GOLGA2: variants seen among roughly 807,000 people sequenced by gnomAD.
GOLGA2 encodes the protein golgin subfamily A member 2.
A neutral mutation model predicts 148.8 loss-of-function variants in GOLGA2; 49 were observed. The observed-to-expected ratio is 0.33, with a 90% CI of 0.26 to 0.42. The LOEUF is 0.42. Ranked by LOEUF, GOLGA2 falls within the 10% of genes least tolerant of loss-of-function variation. The pLI, the probability that GOLGA2 is intolerant of heterozygous loss-of-function variation, is 1.00. For missense variants in GOLGA2, 1,178 were observed against 1,304.6 expected, an observed-to-expected ratio of 0.90 and a Z score of 1.49; for synonymous variants, 501 against 511.8, an observed-to-expected ratio of 0.98 and a Z score of 0.28.
At position 128,267,983 on chromosome 9, in the gene GOLGA2, G is replaced by C. The variant is rs1830698796; in HGVS notation, c.452C>G (p.Thr151Ser). 3 of 1,613,848 alleles carry C rather than the reference G, an allele frequency of 1.9e-6. No homozygotes were observed. In the African/African-American group the frequency reaches 4.0e-5, roughly 22 times the overall value. Residue 151 changes from threonine to serine, a missense_variant, in exon 6 of 27, where the codon ACC (threonine) becomes AGC (serine). Physicochemically the swap from Thr to Ser is moderately conservative, Grantham distance 58. Coordinates refer to ENST00000611957, the MANE Select transcript of GOLGA2 (RefSeq NM_001366244.2). ...LMDETKTFSS[T>S]ESLRQLSQQL... ...TTGGGAGAGTTGTCGCAGGCTCTCG[G>C]TTGATGAGAAAGTCCTAGGGATGGA...
chr9:128,260,854 C>A lies in GOLGA2; in HGVS notation c.1421-52G>T, dbSNP rs1346929296. ...CCTCTGGATTCTCAAAAAAACCCTC[C>A]TCTTGGTCCATACCTCCTCTCAAGC... On this transcript the variant is annotated intron_variant, in intron 17 of 26. Coordinates refer to ENST00000611957, the MANE Select transcript of GOLGA2 (RefSeq NM_001366244.2). This position sits in a 1 kb window ranked among gnomAD's most constrained non-coding sequence, Gnocchi z 4.8. 1.5e-6 allele frequency: 2 copies of A among 1,298,432 alleles called. No individual in the cohort carries two copies. Among genetic ancestry groups the A allele is most frequent in the East Asian group, 2.4e-5 (1 of 42,340 alleles). 80.4% of individuals were successfully genotyped at this position (1,298,432 alleles called of 1,614,324 possible).
At chr9:128,273,815 C>T in intron 2 of GOLGA2, 35 bp downstream of exon 2, 2 of 1,610,660 alleles carry the variant, frequency 1.2e-6, no homozygotes, top group Non-Finnish European at 1.7e-6. Context: ...CCCTTGGGCC[C>T]CCTGTCCCCA....
At position 128,261,131 on chromosome 9, in the gene GOLGA2, G is replaced by T; in HGVS notation, c.1420+41C>A. On this transcript the variant is annotated intron_variant, in intron 17 of 26. Transcript: ENST00000611957. The surrounding 1 kb of genome is among the most constrained non-coding windows in gnomAD (Gnocchi z 5.7). Reference sequence around the variant, plus strand: ...TTCTAAACCACCCCCACAACCCTCTGACACCATTCCTGCTCCCAGGTCACC... The same window carrying T: ...TTCTAAACCACCCCCACAACCCTCTTACACCATTCCTGCTCCCAGGTCACC... 7.3e-7 allele frequency: 1 copy of T among 1,367,610 alleles called. No homozygotes were observed. Among genetic ancestry groups the T allele is most frequent in the Non-Finnish European group, 1.0e-6 (1 of 955,714 alleles). 84.7% of individuals were successfully genotyped at this position (1,367,610 alleles called of 1,614,324 possible). A position where few individuals can be genotyped will look rare whatever the true frequency, so the allele number is the denominator to read the frequency against.
rs1456003486 is a variant in GOLGA2 at position 128,257,850 on chromosome 9, CCTT to C, written c.2548_2550del (p.Lys850del). ...CGATGTTCCAGTTCCTCTACCCTCT[CCTT>C]CAGGTCTGCCTTCTCCTGCATGAGC... is the stretch of plus-strand genomic sequence containing the variant. On this transcript the variant is annotated inframe_deletion, in exon 24 of 27. Coordinates refer to ENST00000611957, the MANE Select transcript of GOLGA2 (RefSeq NM_001366244.2). This position sits in a 1 kb window ranked among gnomAD's most constrained non-coding sequence, Gnocchi z 8.0. 6.2e-7 allele frequency: 1 copy of C among 1,614,198 alleles called. No homozygotes were observed. Among genetic ancestry groups the C allele is most frequent in the South Asian group, 1.1e-5 (1 of 91,088 alleles).
chr9:128,264,959 A>G (rs1184579488), intron 12 of GOLGA2, among the ~76,000 whole-genome samples: 1 of 152,156 alleles, frequency 6.6e-6, no homozygotes, highest in African/African-American at 2.4e-5. Flanking sequence ...GCCTAAGATC[A>G]CTTAGACAGA....
At chr9:128,263,910 A>G (rs1158786559) in intron 12 of GOLGA2, among the ~76,000 whole-genome samples, 1 of 148,626 alleles carries the variant, frequency 6.7e-6, no homozygotes, top group African/African-American at 2.5e-5. Context: ...TAATCCTGGC[A>G]CTTTGGGAGG....
chr9:128,275,873 C>A lies in GOLGA2; in HGVS notation c.84+20G>T. The A allele has an allele frequency of 7.0e-7, 1 of 1,425,966 alleles. No homozygotes were observed. Among genetic ancestry groups the A allele is most frequent in the Non-Finnish European group, 9.7e-7 (1 of 1,035,824 alleles). 88.3% of individuals were successfully genotyped at this position (1,425,966 alleles called of 1,614,324 possible). A position where few individuals can be genotyped will look rare whatever the true frequency, so the allele number is the denominator to read the frequency against. On this transcript the variant is annotated intron_variant, in intron 1 of 26. Coordinates refer to ENST00000611957, the MANE Select transcript of GOLGA2 (RefSeq NM_001366244.2). The stretch of plus-strand genomic sequence containing the variant: ...TGGGGCTGGGGCTGGGTCGGGGGGC[C>A]GCGACCCGGTGCACTTTACCTTTTT...
chr9:128,259,127 G>A, intron 20 of GOLGA2, 40 bp downstream of exon 20: 1 of 1,600,614 alleles, frequency 6.2e-7, no homozygotes, highest in Non-Finnish European at 8.6e-7. Flanking sequence ...AGGTTGCCAG[G>A]TTGTCCCCCT....
At chr9:128,272,427 T>G (rs1831012155) in intron 3 of GOLGA2, among the ~76,000 whole-genome samples, 1 of 151,240 alleles carries the variant, frequency 6.6e-6, no homozygotes, top group Non-Finnish European at 1.5e-5. Context: ...GAGGTTGCAG[T>G]GAGCCAAGAT....
At chr9:128,259,843 GA>G (rs780805728) in intron 19 of GOLGA2, among the ~76,000 whole-genome samples, 11 of 152,228 alleles carry the variant, frequency 7.2e-5, no homozygotes, top group Admixed American at 1.3e-4. Flanking sequence ...CTTCCCCTGT[GA>G]TTGGGAGAAA....
chr9:128,266,794 T>G lies in GOLGA2; in HGVS notation c.642+400A>C. 2.8e-6 allele frequency: 1 copy of G among 357,448 alleles called. No individual in the cohort carries two copies. The highest frequency in any genetic ancestry group is 6.6e-5 in the East Asian group (1 of 15,144). The allele number at this position is 357,448 out of a possible 1,614,324, so 22.1% of individuals were successfully genotyped here. A position where few individuals can be genotyped will look rare whatever the true frequency, so the allele number is the denominator to read the frequency against. ...ACTCTCAGAGCTAAGAGACCTTTGA[T>G]ACTCTCTAACTCTACCTCCTCAGGA... On this transcript the variant is annotated intron_variant, in intron 8 of 26. Coordinates refer to ENST00000611957, the MANE Select transcript of GOLGA2 (RefSeq NM_001366244.2). The surrounding 1 kb of genome is among the most constrained non-coding windows in gnomAD (Gnocchi z 4.2).
intron 12 of GOLGA2, among the ~76,000 whole-genome samples, chr9:128,264,218 T>C (rs1283578314): frequency 1.3e-5 from 2 of 150,612 alleles, no homozygotes; most frequent in African/African-American, 4.9e-5. Context: ...AGCGAATTTA[T>C]GTATGTACGT....
At chr9:128,275,370 G>A (rs1232464608) in intron 1 of GOLGA2, 1 of 1,278,758 alleles carries the variant, frequency 7.8e-7, no homozygotes, top group African/African-American at 1.6e-5. Context: ...CCACTCCTAG[G>A]GGGAACATCA....
At chr9:128,275,300 CA>C in intron 1 of GOLGA2, 1 of 810,658 alleles carries the variant, frequency 1.2e-6, no homozygotes, top group Non-Finnish European at 1.8e-6. Flanking sequence ...GTCCTAAGAT[CA>C]AAGACTGGTC....
chr9:128,270,579 A>AT (rs1363189375), intron 3 of GOLGA2, among the ~76,000 whole-genome samples: 2 of 152,044 alleles, frequency 1.3e-5, no homozygotes, highest in East Asian at 1.9e-4. Context: ...CCATTAAGAT[A>AT]TTTTTTCTCT....
chr9:128,274,846 T>C (rs1327493017), intron 1 of GOLGA2, among the ~76,000 whole-genome samples: 2 of 152,206 alleles, frequency 1.3e-5, no homozygotes, highest in East Asian at 3.8e-4. Context: ...CCCGTATTTA[T>C]CCTGTGGCAC....
At chr9:128,267,391 C>T in intron 7 of GOLGA2, 67 bp downstream of exon 7, 2 of 1,491,200 alleles carry the variant, frequency 1.3e-6, no homozygotes, top group Non-Finnish European at 1.9e-6. Flanking sequence ...GCACCCAGCC[C>T]CCGCTGTGGG....
chr9:128,266,873 G>A lies in GOLGA2; in HGVS notation c.642+321C>T. 2.2e-6 allele frequency: 1 copy of A among 458,890 alleles called. No homozygotes were observed. The highest frequency in any genetic ancestry group is 4.0e-6 in the Non-Finnish European group (1 of 253,064). 28.4% of individuals were successfully genotyped at this position (458,890 alleles called of 1,614,324 possible). A position where few individuals can be genotyped will look rare whatever the true frequency, so the allele number is the denominator to read the frequency against. Reference sequence around the variant, plus strand: ...TGTCCCAAATCAAAGAGCAAATTAAGGACTGAGTCAGGGCAGAAATACAGG... The same window carrying A: ...TGTCCCAAATCAAAGAGCAAATTAAAGACTGAGTCAGGGCAGAAATACAGG... On this transcript the variant is annotated intron_variant, in intron 8 of 26. Transcript: ENST00000611957. The surrounding 1 kb of genome is among the most constrained non-coding windows in gnomAD (Gnocchi z 4.2).
At position 128,273,436 on chromosome 9, in the gene GOLGA2, T is replaced by G. The variant is rs573087331; in HGVS notation, c.207+414A>C. 4.6e-5 allele frequency among the ~76,000 whole-genome samples: 7 copies of G among 152,254 alleles called. No homozygotes were observed. In the South Asian group the frequency reaches 1.5e-3, roughly 32 times the overall value. ...ACCTGGGACTCTCCTCACCACACCCTGGGGCCCTTTCAGTGACTCCTAAAG... is the reference window on the plus strand; with the variant it reads ...ACCTGGGACTCTCCTCACCACACCCGGGGGCCCTTTCAGTGACTCCTAAAG... On this transcript the variant is annotated intron_variant, in intron 2 of 26. Coordinates refer to ENST00000611957, the MANE Select transcript of GOLGA2 (RefSeq NM_001366244.2).
Sources: allele counts gnomAD v4.1 joint callset (sites outside exome capture counted in the v4.1 genomes callset), GRCh38; gene constraint gnomAD v4.1.1; non-coding constraint Gnocchi (gnomAD v3.1); transcripts MANE v1.5; gene names NCBI Gene and HGNC (gene_info 2026-07-23, HGNC 2026-07-21).